The following APP variants were observed in gnomAD, a reference collection of about 807,000 sequenced individuals.
The protein encoded by APP is amyloid beta precursor protein, also known as amyloid-beta precursor protein.
A neutral mutation model predicts 101.4 loss-of-function variants in APP; 31 were observed. The observed-to-expected ratio is 0.31, with a 90% CI of 0.23 to 0.41. APP has a LOEUF of 0.41. Among genes scored for constraint, APP ranks in the 10% least tolerant of loss-of-function variants. The pLI is 1.00. For synonymous variants in APP, 366 were observed against 364.4 expected (o/e 1.00, Z -0.05); for missense variants, 839 against 1,003.7 (o/e 0.84, Z 2.22).
At chr21:25,903,641 G>A (rs2038631890) in intron 15 of APP, among the ~76,000 whole-genome samples, 2 of 152,142 alleles carry the variant, frequency 1.3e-5, no homozygotes, top group African/African-American at 2.4e-5. Flanking sequence ...AATTAGAACT[G>A]AACTGACCCT....
intron 11 of APP, among the ~76,000 whole-genome samples, chr21:25,956,207 A>T (rs1289775478): frequency 2.0e-5 from 3 of 152,272 alleles, no homozygotes; most frequent in African/African-American, 7.2e-5. Context: ...AATCAAAATG[A>T]GAAAAACAGG....
intron 17 of APP, among the ~76,000 whole-genome samples, chr21:25,887,856 T>A (rs1415577442): frequency 6.6e-6 from 1 of 152,176 alleles, no homozygotes; most frequent in Non-Finnish European, 1.5e-5. Flanking sequence ...CTTTATGATG[T>A]TTGCACAGCG....
chr21:26,147,032 C>A (rs1202905366), intron 1 of APP, among the ~76,000 whole-genome samples: 10 of 152,212 alleles, frequency 6.6e-5, no homozygotes. Flanking sequence ...TATTTCTAGA[C>A]TTCCAGTTTG....
At chr21:26,154,567 A>C (rs1569040687) in intron 1 of APP, among the ~76,000 whole-genome samples, 1 of 152,204 alleles carries the variant, frequency 6.6e-6, no homozygotes, top group Non-Finnish European at 1.5e-5. Flanking sequence ...CAAGTGGGCC[A>C]GATTGTCTTA....
At chr21:25,936,186 C>T (rs917445248) in intron 13 of APP, among the ~76,000 whole-genome samples, 2 of 152,102 alleles carry the variant, frequency 1.3e-5, no homozygotes, top group African/African-American at 4.8e-5. Context: ...GGAGATCAGA[C>T]CTTTAAAGAG....
At chr21:26,121,426 C>T (rs1428562361) in intron 1 of APP, among the ~76,000 whole-genome samples, 3 of 151,822 alleles carry the variant, frequency 2.0e-5, no homozygotes, top group Non-Finnish European at 2.9e-5. Flanking sequence ...CTCACTCTGT[C>T]GCCCAGGCTG....
At position 25,881,556 on chromosome 21, in the gene APP, T is replaced by A; in HGVS notation, c.*114A>T. The A allele has an allele frequency of 8.3e-7, 1 of 1,210,554 alleles. No individual in the cohort carries two copies. Among genetic ancestry groups the A allele is most frequent in the South Asian group, 1.2e-5 (1 of 82,436 alleles). 75.0% of individuals were successfully genotyped at this position (1,210,554 alleles called of 1,614,324 possible). A position where few individuals can be genotyped will look rare whatever the true frequency, so the allele number is the denominator to read the frequency against. ...CAGCACAGCTGTCAAAAGGCGATAATGAGTAAATCATAAAACGGGTTTGTT... is the reference window on the plus strand; with the variant it reads ...CAGCACAGCTGTCAAAAGGCGATAAAGAGTAAATCATAAAACGGGTTTGTT... On this transcript the variant is annotated 3_prime_UTR_variant, in exon 18 of 18. Coordinates refer to ENST00000346798, the MANE Select transcript of APP (RefSeq NM_000484.4).
intron 4 of APP, 73 bp downstream of exon 4, chr21:26,053,163 C>T: frequency 9.2e-7 from 1 of 1,081,380 alleles, no homozygotes; most frequent in Non-Finnish European, 1.4e-6. Flanking sequence ...CCTCAAAATA[C>T]CCCTAAAATG....
At position 25,924,613 on chromosome 21, in the gene APP, G is replaced by A. The variant is rs555274204; in HGVS notation, c.1688-12651C>T. ...GACATCATACACCAGGGCCTGTCCAGGGGTGGGGTGAAAGGGGAGGGAGAG... is the reference window on the plus strand; with the variant it reads ...GACATCATACACCAGGGCCTGTCCAAGGGTGGGGTGAAAGGGGAGGGAGAG... On this transcript the variant is annotated intron_variant, in intron 13 of 17. Coordinates refer to ENST00000346798, the MANE Select transcript of APP (RefSeq NM_000484.4). Among the ~76,000 whole-genome samples the A allele has an allele frequency of 9.9e-5, 15 of 151,020 alleles. No individual in the cohort carries two copies. In the East Asian group the frequency reaches 2.7e-3, roughly 28 times the overall value.
chr21:25,953,137 T>C (rs988358121), intron 13 of APP, among the ~76,000 whole-genome samples: 4 of 152,180 alleles, frequency 2.6e-5, no homozygotes, highest in Non-Finnish European at 5.9e-5. Flanking sequence ...TTCACCATGT[T>C]GGCCAGGCTG....
chr21:26,013,147 T>A lies in APP; in HGVS notation c.865+8693A>T, dbSNP rs2043890956. Among the ~76,000 whole-genome samples the A allele has an allele frequency of 1.3e-5, 2 of 152,016 alleles. 1 individual carries two copies. Among genetic ancestry groups the A allele is most frequent in the South Asian group, 4.1e-4 (2 of 4,830 alleles). On this transcript the variant is annotated intron_variant, in intron 6 of 17. Transcript: ENST00000346798. ...GCCTGGCCAACATGGTGAAAACCTG[T>A]CTCTACTAAAAATACAACAGTTAGC...
chr21:25,894,655 G>A (rs1169427864), intron 16 of APP, among the ~76,000 whole-genome samples: 1 of 152,236 alleles, frequency 6.6e-6, no homozygotes, highest in Non-Finnish European at 1.5e-5. Context: ...AATGGATGAG[G>A]AGTTACCTCT....
At chr21:26,048,089 G>C (rs2045684075) in intron 5 of APP, among the ~76,000 whole-genome samples, 1 of 152,064 alleles carries the variant, frequency 6.6e-6, no homozygotes, top group Admixed American at 6.5e-5. Context: ...GGCTGAGGTT[G>C]GTGGATGACG....
chr21:26,091,084 G>A (rs1168256012), intron 2 of APP, among the ~76,000 whole-genome samples: 2 of 152,154 alleles, frequency 1.3e-5, no homozygotes, highest in Non-Finnish European at 2.9e-5. Context: ...AATCTATTTC[G>A]AAAATGTGCA....
At chr21:25,901,658 G>A (rs1569030514) in intron 15 of APP, among the ~76,000 whole-genome samples, 1 of 152,186 alleles carries the variant, frequency 6.6e-6, no homozygotes, top group Non-Finnish European at 1.5e-5. Flanking sequence ...CAAATAAATG[G>A]CAGGGACCTT....
chr21:26,156,337 A>G (rs45450799), intron 1 of APP, among the ~76,000 whole-genome samples: 1 of 152,342 alleles, frequency 6.6e-6, no homozygotes, highest in East Asian at 1.9e-4. Flanking sequence ...TTTTAAATGA[A>G]CAAAGAAGCA....
chr21:25,880,660 G>A lies in APP; in HGVS notation c.*1010C>T, dbSNP rs2036929172. 6.6e-6 allele frequency: 1 copy of A among 152,086 alleles called. No individual in the cohort carries two copies. Among genetic ancestry groups the A allele is most frequent in the African/African-American group, 2.4e-5 (1 of 41,406 alleles). 9.4% of individuals were successfully genotyped at this position (152,086 alleles called of 1,614,324 possible). On this transcript the variant is annotated 3_prime_UTR_variant, in exon 18 of 18. Transcript: ENST00000346798. ...CATGCCTTCCTCATCCCCTTATATTGCCACTTCCATTTTCATCTTCTTTTG... is the reference window on the plus strand; with the variant it reads ...CATGCCTTCCTCATCCCCTTATATTACCACTTCCATTTTCATCTTCTTTTG...
At chr21:26,121,800 A>C (rs2062578191) in intron 1 of APP, among the ~76,000 whole-genome samples, 1 of 152,226 alleles carries the variant, frequency 6.6e-6, no homozygotes, top group Non-Finnish European at 1.5e-5. Flanking sequence ...AAGTAAGTGC[A>C]AACTTAACAG....
At position 25,897,606 on chromosome 21, in the gene APP, A is replaced by G. The variant is rs1047158776; in HGVS notation, c.2031T>C (p.His677=). Residue 677 remains histidine, a synonymous_variant, in exon 16 of 18, where the codon CAT becomes CAC. Coordinates refer to ENST00000346798, the MANE Select transcript of APP (RefSeq NM_000484.4). ...SEVKMDAEFR[H]DSGYEVHHQK... ...GATGATGAACTTCATATCCTGAGTC[A>G]TGTCGGAATTCTGCATCCATCTTCA... is the stretch of plus-strand genomic sequence containing the variant. 3 of 1,613,896 alleles carry G rather than the reference A, an allele frequency of 1.9e-6. No individual in the cohort carries two copies. The highest frequency in any genetic ancestry group is 2.7e-5 in the African/African-American group (2 of 74,918).
Sources: gnomAD v4.1 joint callset for allele counts (sites outside exome capture counted in the v4.1 genomes callset) on GRCh38, gnomAD v4.1.1 for gene constraint, MANE v1.5 for transcripts, NCBI Gene and HGNC (gene_info 2026-07-23, HGNC 2026-07-21) for gene names.